The following LRRC27 variants were observed in gnomAD, a reference collection of about 807,000 sequenced individuals.
LRRC27 encodes the protein leucine rich repeat containing 27.
In LRRC27, 57 loss-of-function variants were observed where a neutral mutation model predicts 55.0. The observed-to-expected ratio is 1.04, with a 90% confidence interval of 0.84 to 1.29. The LOEUF is 1.29. Among genes scored for constraint, LRRC27 ranks in the 50% most tolerant of loss-of-function variants. LRRC27 has a pLI of 0.00. For missense variants in LRRC27, 721 were observed against 651.5 expected, an observed-to-expected ratio of 1.11 and a Z score of -1.16; for synonymous variants, 278 against 251.9, an observed-to-expected ratio of 1.10 and a Z score of -0.98.
chr10:132,349,944 G>C (rs1253240800), intron 6 of LRRC27, among the ~76,000 whole-genome samples: 2 of 152,214 alleles, frequency 1.3e-5, no homozygotes, highest in African/African-American at 4.8e-5. Context: ...ACTTGGTCAG[G>C]TTGTCGTGGG....
chr10:132,356,415 C>G (rs1246392231), intron 8 of LRRC27, among the ~76,000 whole-genome samples: 1 of 150,246 alleles, frequency 6.7e-6, no homozygotes, highest in Non-Finnish European at 1.5e-5. Flanking sequence ...CCCAAGATTG[C>G]CAGCTCTTAA....
In LRRC27 at chr10:132,353,130, T is replaced by C; in HGVS notation, c.1073+1377T>C. The stretch of plus-strand genomic sequence containing the variant: ...CAGCACCCCCGTGCCCCTCACTTGG[T>C]GGTTGGCTTTGGCCAGCGGGGGCCC... On this transcript the variant is annotated intron_variant, in intron 7 of 10. Coordinates refer to ENST00000368614, the MANE Select transcript of LRRC27 (RefSeq NM_030626.3). 3 of 1,458,760 alleles carry C rather than the reference T, an allele frequency of 2.1e-6. No homozygotes were observed. The East Asian group carries it at 7.5e-5, about 37-fold the overall frequency. 90.4% of individuals were successfully genotyped at this position (1,458,760 alleles called of 1,614,324 possible).
intron 6 of LRRC27, among the ~76,000 whole-genome samples, chr10:132,349,527 G>A (rs74161789): frequency 0.012 from 1,841 of 152,294 alleles, 34 homozygotes; most frequent in African/African-American, 0.041. Context: ...ACAGTCGCAC[G>A]GTGAAAGGGC....
intron 10 of LRRC27, chr10:132,366,939 T>A: frequency 7.8e-7 from 1 of 1,285,070 alleles, no homozygotes; most frequent in Non-Finnish European, 1.0e-6. Flanking sequence ...CTTCTGAGAC[T>A]CTTTTCCTCC....
intron 5 of LRRC27, among the ~76,000 whole-genome samples, chr10:132,345,578 A>T (rs2067642563): frequency 6.6e-6 from 1 of 152,242 alleles, no homozygotes; most frequent in East Asian, 1.9e-4. Flanking sequence ...CTTGACCCCG[A>T]TGCTGCCAGG....
chr10:132,357,859 G>A (rs547143118), intron 8 of LRRC27, among the ~76,000 whole-genome samples: 24 of 152,296 alleles, frequency 1.6e-4, no homozygotes, highest in African/African-American at 5.5e-4. Flanking sequence ...CCACGGGAGC[G>A]CGCACCTAGT....
At chr10:132,370,413 G>A (rs1019875402) in intron 10 of LRRC27, among the ~76,000 whole-genome samples, 1 of 152,176 alleles carries the variant, frequency 6.6e-6, no homozygotes, top group Admixed American at 6.5e-5. Flanking sequence ...CCCAGAGGAT[G>A]CCCATGAGGT....
chr10:132,338,492 A>G (rs2067234528), intron 3 of LRRC27, among the ~76,000 whole-genome samples: 1 of 152,020 alleles, frequency 6.6e-6, no homozygotes. Context: ...GTTTCCTTGC[A>G]TTCCCACTTG....
chr10:132,330,381 G>A (rs2138511491), upstream of LRRC27: 3 of 707,544 alleles, frequency 4.2e-6, no homozygotes, highest in South Asian at 4.5e-5. Flanking sequence ...CATCCCCTTC[G>A]CCACTCACGG....
intron 10 of LRRC27, among the ~76,000 whole-genome samples, chr10:132,370,182 G>T (rs73385085): frequency 6.6e-6 from 1 of 152,196 alleles, no homozygotes; most frequent in East Asian, 1.9e-4. Flanking sequence ...CACAGAATTC[G>T]CCTTGTGCTT....
In LRRC27 at chr10:132,372,391, A is replaced by T. The variant is rs1322408157; in HGVS notation, c.1417-2675A>T. On this transcript the variant is annotated intron_variant, in intron 10 of 10. Coordinates refer to ENST00000368614, the MANE Select transcript of LRRC27 (RefSeq NM_030626.3). This position sits in a 1 kb window ranked among gnomAD's most constrained non-coding sequence, Gnocchi z 4.0. ...AGACCAACCTGGCCAACCTGGTGAAACCCCGTCTCTACTAAAAATACAAAA... is the reference window on the plus strand; with the variant it reads ...AGACCAACCTGGCCAACCTGGTGAATCCCCGTCTCTACTAAAAATACAAAA... Among the ~76,000 whole-genome samples, 1 of 152,140 alleles carries T rather than the reference A, an allele frequency of 6.6e-6. No homozygotes were observed. Among genetic ancestry groups the T allele is most frequent in the Non-Finnish European group, 1.5e-5 (1 of 68,028 alleles).
rs1373284331 is a variant in LRRC27 at position 132,342,221 on chromosome 10, A to C, written c.350A>C (p.Lys117Thr). The C allele has an allele frequency of 6.4e-7, 1 of 1,551,446 alleles. No individual in the cohort carries two copies. Among genetic ancestry groups the C allele is most frequent in the Non-Finnish European group, 8.7e-7 (1 of 1,147,200 alleles). Residue 117 changes from lysine to threonine, a missense_variant, in exon 4 of 11, where the codon AAA becomes ACA. By Grantham distance (78) the Lys-to-Thr change is moderately conservative. Coordinates refer to ENST00000368614, the MANE Select transcript of LRRC27 (RefSeq NM_030626.3). ...PSGIGAHQHL[K>T]TLLLERNPIK... ...TTTGTTTTGCTTTAAAGGCATTTGA[A>C]AACTTTGCTTTTAGAAAGAAATCCT...
chr10:132,367,346 C>T (rs942141862), intron 10 of LRRC27, among the ~76,000 whole-genome samples: 1 of 152,186 alleles, frequency 6.6e-6, no homozygotes, highest in Non-Finnish European at 1.5e-5. Context: ...TACCAATTCT[C>T]GATAATCTCT....
intron 10 of LRRC27, among the ~76,000 whole-genome samples, 155 bp downstream of exon 10, chr10:132,365,705 G>T (rs187179562): frequency 3.9e-5 from 6 of 152,092 alleles, no homozygotes; most frequent in Non-Finnish European, 8.8e-5. Flanking sequence ...AGGTTCAAGC[G>T]ATTCTCCTGC....
intron 2 of LRRC27, chr10:132,337,050 G>A (rs925592793): frequency 1.1e-5 from 14 of 1,295,122 alleles, no homozygotes; most frequent in Non-Finnish European, 1.4e-5. Context: ...CTGAGGCTTT[G>A]TTTGCTGCTG....
At chr10:132,351,481 C>G in intron 6 of LRRC27, 126 bp from the exon 7 acceptor site, 1 of 1,062,158 alleles carries the variant, frequency 9.4e-7, no homozygotes, top group Non-Finnish European at 1.4e-6. Context: ...ACTGCAGCTT[C>G]TAGTCGTGCT....
At chr10:132,354,054 G>A (rs1484463863) in intron 7 of LRRC27, among the ~76,000 whole-genome samples, 7 of 152,162 alleles carry the variant, frequency 4.6e-5, no homozygotes, top group Non-Finnish European at 1.0e-4. Context: ...CTCCCTCTTG[G>A]CCATGGCTGT....
intron 7 of LRRC27, 45 bp downstream of exon 7, chr10:132,351,798 CCCGGAA>C (rs750269731): frequency 6.4e-7 from 1 of 1,561,362 alleles, no homozygotes; most frequent in South Asian, 1.2e-5. Flanking sequence ...GCCCAGTGCA[CCCGGAA>C]CTGGGACTGG....
intron 10 of LRRC27, among the ~76,000 whole-genome samples, chr10:132,369,627 T>C (rs2069170160): frequency 6.6e-6 from 1 of 152,134 alleles, no homozygotes; most frequent in Admixed American, 6.5e-5. Flanking sequence ...TATTGTTGGA[T>C]CCATGTGATG....
Sources: allele counts gnomAD v4.1 joint callset (sites outside exome capture counted in the v4.1 genomes callset), GRCh38; gene constraint gnomAD v4.1.1; non-coding constraint Gnocchi (gnomAD v3.1); transcripts MANE v1.5; gene names NCBI Gene and HGNC (gene_info 2026-07-23, HGNC 2026-07-21).